The following FBXO16 variants were observed in gnomAD, a reference collection of about 807,000 sequenced individuals.
FBXO16 encodes F-box protein 16, also known as F-box only protein 16.
Under a neutral mutation model 41.0 loss-of-function variants are expected in FBXO16, and 31 were observed. The ratio of observed to expected loss-of-function variants is 0.76; its 90% CI spans 0.57 to 1.02. The LOEUF (loss-of-function observed/expected upper bound fraction) is 1.02. Among genes scored for constraint, FBXO16 ranks in the 50% least tolerant of loss-of-function variants. FBXO16 has a pLI of 0.00. For missense variants in FBXO16, 361 were observed against 346.2 expected, an observed-to-expected ratio of 1.04 and a Z score of -0.34; for synonymous variants, 133 against 117.8, an observed-to-expected ratio of 1.13 and a Z score of -0.84.
In FBXO16 at chr8:28,466,994, G is replaced by A. The variant is rs76726764; in HGVS notation, c.136-3176C>T. 3.0e-3 allele frequency among the ~76,000 whole-genome samples: 450 copies of A among 152,022 alleles called. 3 individuals carry two copies. The highest frequency in any genetic ancestry group is 0.01 in the African/African-American group (421 of 41,456). On this transcript the variant is annotated intron_variant, in intron 3 of 8. Transcript: ENST00000380254. ...GGTCTCGCTGTGTCGCCAGGTTGGC[G>A]TACAGTGGTGCAATCCTACTCACTA...
Position 28,428,462 on chromosome 8 carries a change from A to G in FBXO16, c.*265T>C. 2.6e-6 allele frequency: 3 copies of G among 1,154,768 alleles called. No homozygotes were observed. Among genetic ancestry groups the G allele is most frequent in the Non-Finnish European group, 3.5e-6 (3 of 845,748 alleles). The allele number at this position is 1,154,768 out of a possible 1,614,324, so 71.5% of individuals were successfully genotyped here. A position where few individuals can be genotyped will look rare whatever the true frequency, so the allele number is the denominator to read the frequency against. ...TACCGTAGGACTCACTACCACAATA[A>G]GTACTTAAGCTGAAAGAGTTTCTAA... is the stretch of plus-strand genomic sequence containing the variant. On this transcript the variant is annotated 3_prime_UTR_variant, in exon 9 of 9. Coordinates refer to ENST00000380254, the MANE Select transcript of FBXO16 (RefSeq NM_172366.4).
chr8:28,439,210 T>A (rs1444821086), intron 7 of FBXO16, among the ~76,000 whole-genome samples: 2 of 152,150 alleles, frequency 1.3e-5, no homozygotes, highest in Non-Finnish European at 2.9e-5. Flanking sequence ...TAGGTGTCAT[T>A]ATTCCCATTT....
intron 7 of FBXO16, among the ~76,000 whole-genome samples, chr8:28,433,297 C>T (rs919586454): frequency 6.6e-5 from 10 of 152,182 alleles, no homozygotes; most frequent in Admixed American, 6.5e-4. Context: ...CAATGCCATG[C>T]GTTTGACATT....
At chr8:28,445,528 G>T (rs1220112956) in intron 7 of FBXO16, among the ~76,000 whole-genome samples, 1 of 152,154 alleles carries the variant, frequency 6.6e-6, no homozygotes, top group African/African-American at 2.4e-5. Context: ...TCAGGGGCTG[G>T]AAACCAGGCA....
intron 7 of FBXO16, among the ~76,000 whole-genome samples, chr8:28,440,449 T>C (rs1802753284): frequency 6.6e-6 from 1 of 152,168 alleles, no homozygotes; most frequent in Non-Finnish European, 1.5e-5. Flanking sequence ...TTTGAGTGAC[T>C]ACTCATTAGT....
rs779311137 is a variant in FBXO16 at position 28,463,735 on chromosome 8, G to C, written c.219C>G (p.Cys73Trp). Residue 73 changes from cysteine to tryptophan, a missense_variant, in exon 4 of 9, where the codon TGC becomes TGG. By Grantham distance (215) the Cys-to-Trp change is radical. Transcript: ENST00000380254. ...GAATTTTCTCTTGAAGCTTTCGACAGCAGAACTTTTGCTGGGACAGCGAGC... is the reference window on the plus strand; with the variant it reads ...GAATTTTCTCTTGAAGCTTTCGACACCAGAACTTTTGCTGGGACAGCGAGC... ...ERCSLSQQKF[C>W]CRKLQEKIPA... The C allele has an allele frequency of 8.7e-6, 14 of 1,614,196 alleles. No individual in the cohort carries two copies. The South Asian group carries it at 1.5e-4, about 18-fold the overall frequency.
intron 7 of FBXO16, among the ~76,000 whole-genome samples, chr8:28,445,661 T>C (rs764023672): frequency 6.6e-6 from 1 of 152,170 alleles, no homozygotes; most frequent in Non-Finnish European, 1.5e-5. Flanking sequence ...TCAGGACACA[T>C]GTCTATGGTA....
In FBXO16 at chr8:28,463,758, A is replaced by T. The variant is rs751440312; in HGVS notation, c.196T>A (p.Ser66Thr). The change falls in exon 4 of 9, where the codon TCG (serine) becomes ACG (threonine). Residue 66 changes from serine (S) to threonine (T), a missense_variant. Physicochemically the swap from Ser to Thr is moderately conservative, Grantham distance 58 (BLOSUM62 1). Transcript: ENST00000380254. ...RILTGLLERC[S>T]LSQQKFCCRK... ...CAGCAGAACTTTTGCTGGGACAGCG[A>T]GCAGCGCTCCAACAGGCCTGTGAGG... is the stretch of plus-strand genomic sequence containing the variant. The T allele has an allele frequency of 4.3e-6, 7 of 1,614,052 alleles. No homozygotes were observed. In the Admixed American group the frequency reaches 5.0e-5, roughly 12 times the overall value.
At chr8:28,439,918 C>T (rs2130093529) in intron 7 of FBXO16, among the ~76,000 whole-genome samples, 1 of 151,768 alleles carries the variant, frequency 6.6e-6, no homozygotes, top group South Asian at 2.1e-4. Flanking sequence ...AAGAAAAAGA[C>T]TGGAAACATA....
intron 5 of FBXO16, among the ~76,000 whole-genome samples, chr8:28,454,538 C>T (rs1006597767): frequency 6.6e-6 from 1 of 151,270 alleles, no homozygotes; most frequent in Non-Finnish European, 1.5e-5. Context: ...ACCATCCTGG[C>T]TAACATGGTG....
chr8:28,451,852 C>T (rs546795185), intron 6 of FBXO16, among the ~76,000 whole-genome samples: 2 of 152,026 alleles, frequency 1.3e-5, no homozygotes, highest in East Asian at 1.9e-4. Context: ...GGCATCGTGG[C>T]GGTCGCCTGT....
intron 7 of FBXO16, among the ~76,000 whole-genome samples, chr8:28,430,899 G>A (rs1802595636): frequency 6.6e-6 from 1 of 152,126 alleles, no homozygotes; most frequent in African/African-American, 2.4e-5. Context: ...TTGAACCTGG[G>A]AGGCAGAGGT....
At chr8:28,476,418 G>A (rs1803424056) in intron 2 of FBXO16, among the ~76,000 whole-genome samples, 1 of 152,130 alleles carries the variant, frequency 6.6e-6, no homozygotes, top group Admixed American at 6.6e-5. Context: ...ATATCATTTT[G>A]GGCAGATAAT....
chr8:28,479,471 CAA>C (rs1173927675), intron 2 of FBXO16, among the ~76,000 whole-genome samples: 3 of 152,156 alleles, frequency 2.0e-5, no homozygotes, highest in African/African-American at 7.2e-5. Context: ...CTAAATTGAT[CAA>C]GACTCGTAAT....
intron 7 of FBXO16, among the ~76,000 whole-genome samples, chr8:28,434,569 A>C (rs1297700739): frequency 6.6e-6 from 1 of 152,210 alleles, no homozygotes; most frequent in Admixed American, 6.5e-5. Flanking sequence ...GTGGTAAAGA[A>C]TCTTACCACA....
intron 6 of FBXO16, among the ~76,000 whole-genome samples, chr8:28,449,500 T>C (rs1032165547): frequency 1.3e-5 from 2 of 151,922 alleles, no homozygotes; most frequent in Non-Finnish European, 2.9e-5. Flanking sequence ...TTTATTTTAT[T>C]TTTATAGAGA....
chr8:28,452,086 T>C (rs1802963036), intron 6 of FBXO16, among the ~76,000 whole-genome samples, 158 bp downstream of exon 6: 1 of 152,160 alleles, frequency 6.6e-6, no homozygotes, highest in Admixed American at 6.5e-5. Context: ...GCAAATTTGC[T>C]AGTAATGGTC....
intron 7 of FBXO16, 67 bp from the exon 8 acceptor site, chr8:28,429,470 TGAAG>T (rs1430601679): frequency 6.3e-7 from 1 of 1,586,184 alleles, no homozygotes; most frequent in African/African-American, 1.3e-5. Flanking sequence ...GAGCTGAGCT[TGAAG>T]GGAGAGAGAG....
intron 1 of FBXO16, 88 bp from the exon 2 acceptor site, chr8:28,483,550 G>C (rs943732693): frequency 1.1e-6 from 1 of 876,240 alleles, no homozygotes; most frequent in Non-Finnish European, 1.8e-6. Flanking sequence ...CAGGCACGAT[G>C]GCTCACGCCT....
Sources: allele counts gnomAD v4.1 joint callset (sites outside exome capture counted in the v4.1 genomes callset), GRCh38; gene constraint gnomAD v4.1.1; transcripts MANE v1.5; gene names NCBI Gene and HGNC (gene_info 2026-07-23, HGNC 2026-07-21).